IL22RA1: variants seen among roughly 807,000 people sequenced by gnomAD.
IL22RA1 encodes the protein interleukin-22 receptor subunit alpha-1.
IL22RA1 carries 25 observed loss-of-function variants against 32.8 expected under a neutral mutation model. The ratio of observed to expected loss-of-function variants is 0.76; its 90% CI spans 0.55 to 1.06. IL22RA1 has a LOEUF of 1.06. IL22RA1 is among the 50% of genes least tolerant of loss of function. IL22RA1 has a pLI of 0.00. For missense variants in IL22RA1, 709 were observed against 727.4 expected (o/e 0.97, Z 0.29); for synonymous variants, 305 against 305.0 (o/e 1.00, Z 0.00).
At chr1:24,132,641 T>A (rs1392586242) in intron 4 of IL22RA1, among the ~76,000 whole-genome samples, 1 of 151,722 alleles carries the variant, frequency 6.6e-6, no homozygotes, top group Admixed American at 6.6e-5. Flanking sequence ...TGGGACCATG[T>A]TTTAAGAAAC....
At position 24,131,708 on chromosome 1, in the gene IL22RA1, C is replaced by A. The variant is rs572088957; in HGVS notation, c.531+2503G>T. Among the ~76,000 whole-genome samples the A allele has an allele frequency of 1.4e-4, 22 of 152,242 alleles. No homozygotes were observed. In the East Asian group the frequency reaches 4.2e-3, roughly 29 times the overall value. ...TTCAACAATTAAACGACCAATTGAC[C>A]TCTCACCTAAATCAGGAAAGACATA... is the stretch of plus-strand genomic sequence containing the variant. On this transcript the variant is annotated intron_variant, in intron 4 of 6. Transcript: ENST00000270800.
At chr1:24,133,229 G>A (rs1456200936) in intron 4 of IL22RA1, among the ~76,000 whole-genome samples, 5 of 151,476 alleles carry the variant, frequency 3.3e-5, no homozygotes, top group Non-Finnish European at 7.4e-5. Flanking sequence ...CAATTTCTGC[G>A]GCATGCCAGG....
intron 1 of IL22RA1, among the ~76,000 whole-genome samples, chr1:24,141,195 C>T (rs575308067): frequency 1.3e-5 from 2 of 152,306 alleles, no homozygotes; most frequent in Admixed American, 6.5e-5. Flanking sequence ...ACGGCTGTGC[C>T]GTGGAGCCTT....
chr1:24,125,559 A>T (rs1644155422), intron 5 of IL22RA1, among the ~76,000 whole-genome samples: 1 of 152,140 alleles, frequency 6.6e-6, no homozygotes, highest in Admixed American at 6.5e-5. Flanking sequence ...TGGAAGTAGG[A>T]GGAAGAAGTG....
At chr1:24,131,630 G>C (rs1205797069) in intron 4 of IL22RA1, among the ~76,000 whole-genome samples, 3 of 152,066 alleles carry the variant, frequency 2.0e-5, no homozygotes, top group Non-Finnish European at 4.4e-5. Flanking sequence ...AAAATGCACA[G>C]AATTAAAGGG....
chr1:24,131,382 T>C (rs1242588146), intron 4 of IL22RA1, among the ~76,000 whole-genome samples: 1 of 152,208 alleles, frequency 6.6e-6, no homozygotes, highest in Non-Finnish European at 1.5e-5. Flanking sequence ...CTGCAAGAGA[T>C]ACATTTTAAA....
chr1:24,123,153 T>C (rs1644136909), intron 6 of IL22RA1, 149 bp downstream of exon 6: 1 of 1,225,294 alleles, frequency 8.2e-7, no homozygotes, highest in Admixed American at 2.9e-5. Context: ...GTCCGTTGAC[T>C]TTAGCTGGGA....
At position 24,121,214 on chromosome 1, in the gene IL22RA1, C is replaced by T; in HGVS notation, c.1316G>A (p.Ser439Asn). The change falls in exon 7 of 7, where the codon AGC (serine) becomes AAC (asparagine). Residue 439 changes from serine to asparagine, a missense_variant. Ser to Asn is a conservative substitution (Grantham distance 46). Coordinates refer to ENST00000270800, the MANE Select transcript of IL22RA1 (RefSeq NM_021258.4). ...GQLQKEPPAG[S>N]CMLGGLSLQE... ...CAGAGAAAGGCCACCTAACATGCAG[C>T]TTCCAGCTGGTGGCTCTTTCTGAAG... 6.2e-7 allele frequency: 1 copy of T among 1,614,232 alleles called. No homozygotes were observed. The highest frequency in any genetic ancestry group is 8.5e-7 in the Non-Finnish European group (1 of 1,180,038).
At chr1:24,123,931 C>T (rs554653467) in intron 5 of IL22RA1, among the ~76,000 whole-genome samples, 5 of 152,214 alleles carry the variant, frequency 3.3e-5, no homozygotes, top group Non-Finnish European at 7.3e-5. Flanking sequence ...CAAGGGTCTG[C>T]ACTACATGTC....
At chr1:24,132,206 A>G (rs1261910013) in intron 4 of IL22RA1, among the ~76,000 whole-genome samples, 1 of 152,188 alleles carries the variant, frequency 6.6e-6, no homozygotes, top group South Asian at 2.1e-4. Context: ...TAAAATTCAG[A>G]TCCCAGGGAT....
At chr1:24,135,139 A>G (rs1388207490) in intron 3 of IL22RA1, among the ~76,000 whole-genome samples, 3 of 152,256 alleles carry the variant, frequency 2.0e-5, no homozygotes, top group Non-Finnish European at 4.4e-5. Context: ...AGGGAAATAC[A>G]TAAGTAAATT....
At position 24,137,178 on chromosome 1, in the gene IL22RA1, C is replaced by T; in HGVS notation, c.308G>A (p.Gly103Asp). The part of the protein sequence containing the change: ...YARVTAVSAG[G>D]RSATKMTDRF... ...GTCAGTCATCTTGGTGGCTGACCGGCCTCCCGCACTGACAGCGGTGACCCT... is the reference window on the plus strand; with the variant it reads ...GTCAGTCATCTTGGTGGCTGACCGGTCTCCCGCACTGACAGCGGTGACCCT... Residue 103 changes from glycine (G) to aspartate (D), a missense_variant, in exon 3 of 7, where the codon GGC (glycine) becomes GAC (aspartate). Gly to Asp is a moderately conservative substitution (Grantham distance 94). Transcript: ENST00000270800. 6.2e-7 allele frequency: 1 copy of T among 1,614,076 alleles called. No individual in the cohort carries two copies. The highest frequency in any genetic ancestry group is 8.5e-7 in the Non-Finnish European group (1 of 1,179,994).
chr1:24,132,570 G>C lies in IL22RA1; in HGVS notation c.531+1641C>G, dbSNP rs557309705. 1.4e-4 allele frequency among the ~76,000 whole-genome samples: 22 copies of C among 152,026 alleles called. No homozygotes were observed. In the South Asian group the frequency reaches 4.4e-3, roughly 30 times the overall value. The stretch of plus-strand genomic sequence containing the variant: ...GATGGTCTGCATCTCCTGACCTCGT[G>C]ATCCGCCCGCCTCGGCCTCCCAAAG... On this transcript the variant is annotated intron_variant, in intron 4 of 6. Coordinates refer to ENST00000270800, the MANE Select transcript of IL22RA1 (RefSeq NM_021258.4).
intron 4 of IL22RA1, among the ~76,000 whole-genome samples, chr1:24,133,643 T>C (rs961580303): frequency 6.6e-6 from 1 of 152,184 alleles, no homozygotes; most frequent in Admixed American, 6.5e-5. Context: ...CAGTAGAAAT[T>C]GATTCTAGCA....
At chr1:24,133,213 C>T (rs1644218629) in intron 4 of IL22RA1, among the ~76,000 whole-genome samples, 1 of 151,522 alleles carries the variant, frequency 6.6e-6, no homozygotes, top group South Asian at 2.1e-4. Flanking sequence ...TTCTGGAAGC[C>T]AGTACCAATT....
At chr1:24,134,476 T>C (rs1644228870) in intron 3 of IL22RA1, 90 bp from the exon 4 acceptor site, 1 of 912,952 alleles carries the variant, frequency 1.1e-6, no homozygotes. Flanking sequence ...AAATGACTGC[T>C]CCCTCTCTCC....
intron 4 of IL22RA1, among the ~76,000 whole-genome samples, chr1:24,132,401 G>A (rs1039496614): frequency 1.0e-4 from 15 of 145,188 alleles, no homozygotes; most frequent in Non-Finnish European, 3.0e-5. Context: ...GCGCGATCTT[G>A]GCCCACTGCA....
intron 2 of IL22RA1, among the ~76,000 whole-genome samples, chr1:24,138,269 T>C (rs921800092): frequency 2.6e-5 from 4 of 152,210 alleles, no homozygotes; most frequent in Admixed American, 6.5e-5. Flanking sequence ...CCAACAACCC[T>C]GTGATGAAAG....
At position 24,119,833 on chromosome 1, in the gene IL22RA1, T is replaced by G. The variant is rs1484510175; in HGVS notation, c.*972A>C. ...GGCACTATTAAGCACTTTAAAGACATGACTTCATTTCATCTTCACCACAAC... is the reference window on the plus strand; with the variant it reads ...GGCACTATTAAGCACTTTAAAGACAGGACTTCATTTCATCTTCACCACAAC... On this transcript the variant is annotated 3_prime_UTR_variant, in exon 7 of 7. Coordinates refer to ENST00000270800, the MANE Select transcript of IL22RA1 (RefSeq NM_021258.4). 6.6e-6 allele frequency: 1 copy of G among 152,252 alleles called. No homozygotes were observed. The highest frequency in any genetic ancestry group is 2.4e-5 in the African/African-American group (1 of 41,452). 9.4% of individuals were successfully genotyped at this position (152,252 alleles called of 1,614,324 possible).
Sources: allele counts gnomAD v4.1 joint callset (sites outside exome capture counted in the v4.1 genomes callset), GRCh38; gene constraint gnomAD v4.1.1; transcripts MANE v1.5; gene names NCBI Gene and HGNC (gene_info 2026-07-23, HGNC 2026-07-21).